Variants in CUEDC1 observed in about 807,000 individuals in gnomAD.
CUEDC1 encodes the protein CUE domain-containing protein 1.
CUEDC1 carries 30 observed loss-of-function variants against 43.7 expected under a neutral mutation model. The observed-to-expected ratio is 0.69, with a 90% CI of 0.51 to 0.93. CUEDC1 has a LOEUF of 0.93. CUEDC1 is among the 40% of genes least tolerant of loss of function. The pLI is 0.00. For synonymous variants in CUEDC1, 223 were observed against 223.6 expected (o/e 1.00, Z 0.02); for missense variants, 486 against 549.0 (o/e 0.89, Z 1.15).
intron 1 of CUEDC1, among the ~76,000 whole-genome samples, chr17:57,917,629 T>C (rs1335819184): frequency 2.0e-5 from 3 of 152,232 alleles, no homozygotes; most frequent in African/African-American, 7.2e-5. Context: ...CATTGACTGA[T>C]GTGGAGACAG....
intron 6 of CUEDC1, among the ~76,000 whole-genome samples, chr17:57,870,282 C>T (rs2074016463): frequency 2.0e-5 from 3 of 152,218 alleles, no homozygotes; most frequent in Admixed American, 2.0e-4. Context: ...TCTGCGCATC[C>T]CAGGAGCACT....
chr17:57,950,732 C>G (rs1272760163), intron 1 of CUEDC1, among the ~76,000 whole-genome samples: 1 of 152,216 alleles, frequency 6.6e-6, no homozygotes, highest in Non-Finnish European at 1.5e-5. Flanking sequence ...CTCGGCCTCC[C>G]AAAGTGCTGG....
intron 1 of CUEDC1, among the ~76,000 whole-genome samples, chr17:57,919,867 A>G (rs778987949): frequency 2.6e-5 from 4 of 152,224 alleles, no homozygotes; most frequent in Non-Finnish European, 2.9e-5. Flanking sequence ...CCTCAGCACA[A>G]ACAGCCCCCA....
intron 1 of CUEDC1, among the ~76,000 whole-genome samples, chr17:57,928,400 T>C (rs1041494892): frequency 6.6e-6 from 1 of 151,756 alleles, no homozygotes; most frequent in Non-Finnish European, 1.5e-5. Flanking sequence ...ATACAAAAAA[T>C]TAGCCAGGCG....
intron 1 of CUEDC1, among the ~76,000 whole-genome samples, chr17:57,905,420 A>G (rs2074521064): frequency 2.0e-5 from 3 of 152,198 alleles, no homozygotes; most frequent in Admixed American, 2.0e-4. Flanking sequence ...AAGGAAGCTC[A>G]CAGCTCAGCT....
intron 3 of CUEDC1, among the ~76,000 whole-genome samples, chr17:57,875,125 G>C (rs111465155): frequency 9.2e-5 from 14 of 152,240 alleles, no homozygotes; most frequent in African/African-American, 2.9e-4. Context: ...TTCTCCAAAG[G>C]CCAGAGATGG....
chr17:57,870,881 T>C (rs896287551), intron 6 of CUEDC1, among the ~76,000 whole-genome samples: 7 of 152,238 alleles, frequency 4.6e-5, no homozygotes, highest in African/African-American at 1.7e-4. Context: ...GGGGGTCTCA[T>C]TTTGTTGCCC....
intron 1 of CUEDC1, among the ~76,000 whole-genome samples, chr17:57,936,045 C>T (rs976095145): frequency 6.6e-6 from 1 of 152,200 alleles, no homozygotes; most frequent in South Asian, 2.1e-4. Flanking sequence ...CATTCATTAT[C>T]GCTATGTCCT....
At chr17:57,904,313 C>T (rs990590399) in intron 1 of CUEDC1, among the ~76,000 whole-genome samples, 14 of 152,084 alleles carry the variant, frequency 9.2e-5, no homozygotes, top group South Asian at 4.1e-4. Context: ...CACTGTGTCT[C>T]GGGCAACTTT....
At chr17:57,934,284 C>T (rs1282055439) in intron 1 of CUEDC1, among the ~76,000 whole-genome samples, 1 of 151,850 alleles carries the variant, frequency 6.6e-6, no homozygotes, top group South Asian at 2.1e-4. Context: ...CCCAGCTACT[C>T]GGGAGGCTGA....
intron 1 of CUEDC1, among the ~76,000 whole-genome samples, chr17:57,931,815 T>A (rs778397379): frequency 6.6e-6 from 1 of 152,136 alleles, no homozygotes; most frequent in Non-Finnish European, 1.5e-5. Flanking sequence ...CTCCTCTGGA[T>A]TGCAGAGGAC....
chr17:57,877,001 T>C (rs1386206098), intron 3 of CUEDC1, among the ~76,000 whole-genome samples: 2 of 152,172 alleles, frequency 1.3e-5, no homozygotes, highest in African/African-American at 4.8e-5. Context: ...AAAGGCCACA[T>C]TGCAAAGGTG....
intron 1 of CUEDC1, among the ~76,000 whole-genome samples, chr17:57,934,151 T>C (rs1329167049): frequency 6.6e-6 from 1 of 152,076 alleles, no homozygotes; most frequent in Non-Finnish European, 1.5e-5. Context: ...CCCAACACTT[T>C]GGGAGGCCAA....
chr17:57,942,845 G>A (rs915019229), intron 1 of CUEDC1, among the ~76,000 whole-genome samples: 2 of 151,770 alleles, frequency 1.3e-5, no homozygotes, highest in Non-Finnish European at 2.9e-5. Context: ...TGGCTAACAC[G>A]GTGAAACCCC....
chr17:57,873,488 G>C, intron 4 of CUEDC1, 103 bp downstream of exon 4: 1 of 1,318,336 alleles, frequency 7.6e-7, no homozygotes, highest in Non-Finnish European at 1.0e-6. Context: ...GCTCAGCCTG[G>C]GTTTAAACAT....
intron 1 of CUEDC1, among the ~76,000 whole-genome samples, chr17:57,948,001 G>A (rs1170374024): frequency 6.6e-6 from 1 of 152,048 alleles, no homozygotes; most frequent in Non-Finnish European, 1.5e-5. Context: ...AGCTTTCTTT[G>A]TGGCTAGGCA....
Position 57,879,666 on chromosome 17 carries a change from G to A in CUEDC1, c.409C>T (p.His137Tyr). Reference sequence around the variant, plus strand: ...TAGGGCCGGTCGAACACGTGCATGTGGTAGGCTGGCGGGGAGTACACAGGT... The same window carrying A: ...TAGGGCCGGTCGAACACGTGCATGTAGTAGGCTGGCGGGGAGTACACAGGT... The part of the protein sequence containing the change: ...PPPVYSPPAY[H>Y]MHVFDRPYPL... Residue 137 changes from histidine to tyrosine, a missense_variant, in exon 3 of 11, where the codon CAC (histidine) becomes TAC (tyrosine). Coordinates refer to ENST00000577830, the MANE Select transcript of CUEDC1 (RefSeq NM_001271875.2). 6.2e-7 allele frequency: 1 copy of A among 1,603,312 alleles called. No individual in the cohort carries two copies. The highest frequency in any genetic ancestry group is 8.5e-7 in the Non-Finnish European group (1 of 1,176,320).
chr17:57,914,376 C>T (rs1430676139), intron 1 of CUEDC1, among the ~76,000 whole-genome samples: 2 of 152,098 alleles, frequency 1.3e-5, no homozygotes, highest in East Asian at 1.9e-4. Flanking sequence ...CTTGGGGGGT[C>T]GGGAGGAGCT....
rs1170647214 is a variant in CUEDC1 at position 57,866,547 on chromosome 17, G to A, written c.1094-3C>T. ...ACGCCTGCCCCGGAAGTCTTCATCT[G>A]AAAAGGAGAGGGAAGCTGCCTCATC... On this transcript the variant is annotated splice_region_variant and splice_polypyrimidine_tract_variant and intron_variant, in intron 9 of 10. Coordinates refer to ENST00000577830, the MANE Select transcript of CUEDC1 (RefSeq NM_001271875.2). The A allele has an allele frequency of 1.2e-6, 2 of 1,614,168 alleles. No homozygotes were observed. The highest frequency in any genetic ancestry group is 2.2e-5 in the South Asian group (2 of 91,082).
Sources: allele counts gnomAD v4.1 joint callset (sites outside exome capture counted in the v4.1 genomes callset), GRCh38; gene constraint gnomAD v4.1.1; transcripts MANE v1.5; gene names NCBI Gene and HGNC (gene_info 2026-07-23, HGNC 2026-07-21).